MAP3K13: variants seen among roughly 807,000 people sequenced by gnomAD.
MAP3K13 encodes the protein mitogen-activated protein kinase kinase kinase 13.
Under a neutral mutation model 104.0 loss-of-function variants are expected in MAP3K13, and 52 were observed. The observed-to-expected ratio is 0.50, with a 90% CI of 0.40 to 0.63. The LOEUF (loss-of-function observed/expected upper bound fraction) is 0.63, where lower values mean the gene tolerates loss of function less well. Ranked by LOEUF, MAP3K13 falls within the 20% of genes least tolerant of loss-of-function variation. MAP3K13 has a pLI of 0.00. For missense variants in MAP3K13, 914 were observed against 1,218.5 expected, an observed-to-expected ratio of 0.75 and a Z score of 3.72; for synonymous variants, 394 against 442.2, an observed-to-expected ratio of 0.89 and a Z score of 1.37.
At chr3:185,318,361 A>G (rs988666683) in intron 2 of MAP3K13, among the ~76,000 whole-genome samples, 36 of 152,262 alleles carry the variant, frequency 2.4e-4, no homozygotes, top group Admixed American at 5.2e-4. Context: ...CAGTCATTTG[A>G]CTAAGCAAAC....
chr3:185,283,640 T>C (rs565196426), intron 1 of MAP3K13, among the ~76,000 whole-genome samples: 59 of 152,206 alleles, frequency 3.9e-4, no homozygotes, highest in African/African-American at 1.4e-3. Flanking sequence ...ACCCAGTACA[T>C]TGTTGGTTTT....
At chr3:185,382,414 G>A (rs1021360127) in intron 1 of MAP3K13, among the ~76,000 whole-genome samples, 1 of 152,108 alleles carries the variant, frequency 6.6e-6, no homozygotes, top group Non-Finnish European at 1.5e-5. Context: ...TAAGACTACT[G>A]TATATGATGT....
chr3:185,321,176 C>T (rs58973771), intron 2 of MAP3K13, among the ~76,000 whole-genome samples: 12,607 of 149,864 alleles, frequency 0.084, 689 homozygotes, highest in East Asian at 0.2. Context: ...TGCGTGCACA[C>T]ACATATACAC....
chr3:185,356,876 A>G (rs1230566585), intron 2 of MAP3K13, among the ~76,000 whole-genome samples: 1 of 148,724 alleles, frequency 6.7e-6, no homozygotes, highest in Non-Finnish European at 1.5e-5. Flanking sequence ...GTATGTATGT[A>G]TGTATGTATG....
At chr3:185,395,053 G>A (rs1245522310) in intron 1 of MAP3K13, among the ~76,000 whole-genome samples, 1 of 151,946 alleles carries the variant, frequency 6.6e-6, no homozygotes, top group African/African-American at 2.4e-5. Flanking sequence ...TTTTTTGAAC[G>A]TGGGATATAT....
chr3:185,323,465 C>G (rs750387929), intron 2 of MAP3K13, among the ~76,000 whole-genome samples: 42 of 151,660 alleles, frequency 2.8e-4, no homozygotes, highest in Admixed American at 6.6e-5. Context: ...TCCCGAGTAG[C>G]TGGGATTACA....
At chr3:185,298,059 G>A (rs1360891465) in intron 2 of MAP3K13, among the ~76,000 whole-genome samples, 1 of 151,870 alleles carries the variant, frequency 6.6e-6, no homozygotes, top group African/African-American at 2.4e-5. Context: ...ACGGACTACA[G>A]GCCTTTCAGT....
intron 1 of MAP3K13, among the ~76,000 whole-genome samples, chr3:185,409,572 T>C (rs889849716): frequency 6.6e-6 from 1 of 152,158 alleles, no homozygotes; most frequent in Non-Finnish European, 1.5e-5. Flanking sequence ...GAGAACAGTA[T>C]GAGCGTTCCT....
rs763887056 is a variant in MAP3K13 at position 185,455,694 on chromosome 3, T to G, written c.1278+4299T>G. 2.5e-4 allele frequency among the ~76,000 whole-genome samples: 5 copies of G among 19,726 alleles called. 1 individual carries two copies. Among genetic ancestry groups the G allele is most frequent in the African/African-American group, 5.7e-4 (5 of 8,794 alleles). 12.9% of individuals were successfully genotyped at this position (19,726 alleles called of 152,430 possible). ...ATATATATATGAGATATATATATGA[T>G]ATATATATGAGATATATATGAGATA... On this transcript the variant is annotated intron_variant, in intron 7 of 13. Coordinates refer to ENST00000265026, the MANE Select transcript of MAP3K13 (RefSeq NM_004721.5).
At chr3:185,347,150 C>A (rs937286026) in intron 2 of MAP3K13, among the ~76,000 whole-genome samples, 1 of 151,982 alleles carries the variant, frequency 6.6e-6, no homozygotes, top group Non-Finnish European at 1.5e-5. Context: ...CCACACCCAG[C>A]TAATTTTTGT....
chr3:185,330,084 G>A lies in MAP3K13; in HGVS notation c.-86+44441G>A, dbSNP rs1372086013. Among the ~76,000 whole-genome samples the A allele has an allele frequency of 3.7e-5, 3 of 80,810 alleles. No individual in the cohort carries two copies. In the Admixed American group the frequency reaches 5.3e-4, roughly 14 times the overall value. The allele number at this position is 80,810 out of a possible 152,430, so 53.0% of individuals were successfully genotyped here. ...TTTTTTTTTTTTTTTTTTTTTTTTA[G>A]TAGAGATGGGGTTTCACCATGTTAG... On this transcript the variant is annotated intron_variant, in intron 2 of 14. Coordinates refer to the MAP3K13 transcript ENST00000424227.
At chr3:185,440,297 G>A (rs767797566) in intron 3 of MAP3K13, among the ~76,000 whole-genome samples, 17 of 152,200 alleles carry the variant, frequency 1.1e-4, no homozygotes, top group Admixed American at 5.9e-4. Context: ...ATTGCTCCTC[G>A]TTCGTCAGTC....
At position 185,455,773 on chromosome 3, in the gene MAP3K13, GAT is replaced by G. The variant is rs1190701512; in HGVS notation, c.1278+4387_1278+4388del. On this transcript the variant is annotated intron_variant, in intron 7 of 13. Transcript: ENST00000265026. ...TGATATATATATGAGATATATATAT[GAT>G]ATATATATGAGATATATATATGAGA... Among the ~76,000 whole-genome samples the G allele has an allele frequency of 2.7e-3, 233 of 86,764 alleles. 17 individuals are homozygous for G. The highest frequency in any genetic ancestry group is 9.8e-3 in the African/African-American group (217 of 22,128). 56.9% of individuals were successfully genotyped at this position (86,764 alleles called of 152,430 possible).
rs891352886 is a variant in MAP3K13 at position 185,488,294 on chromosome 3, T to C, written c.*5838T>C. 7.9e-5 allele frequency: 12 copies of C among 152,202 alleles called. No homozygotes were observed. Among genetic ancestry groups the C allele is most frequent in the African/African-American group, 2.7e-4 (11 of 41,442 alleles). 9.4% of individuals were successfully genotyped at this position (152,202 alleles called of 1,614,324 possible). ...TGCTGATTTCATAGGACAAATATCCTAGCATACTCACACCACCAGTGTCCC... is the reference window on the plus strand; with the variant it reads ...TGCTGATTTCATAGGACAAATATCCCAGCATACTCACACCACCAGTGTCCC... On this transcript the variant is annotated 3_prime_UTR_variant, in exon 14 of 14. Coordinates refer to ENST00000265026, the MANE Select transcript of MAP3K13 (RefSeq NM_004721.5).
intron 4 of MAP3K13, 125 bp from the exon 5 acceptor site, chr3:185,447,664 G>A: frequency 1.4e-6 from 1 of 699,574 alleles, no homozygotes; most frequent in Non-Finnish European, 2.4e-6. Flanking sequence ...AGTGACATTG[G>A]AAACTGCAAG....
Position 185,466,862 on chromosome 3 carries a change from C to T in MAP3K13, c.1542C>T (p.Thr514=), listed in dbSNP as rs1441101843. The stretch of plus-strand genomic sequence containing the variant: ...CAGTGGAAAAGAAGTATCCTGGGAC[C>T]TACAAACGACACCCTGTTCGTCCTA... ...EQAVEKKYPG[T]YKRHPVRPII... The change falls in exon 10 of 14, where the codon ACC becomes ACT. Residue 514 remains threonine (T), a synonymous_variant. Transcript: ENST00000265026. 4 of 1,613,974 alleles carry T rather than the reference C, an allele frequency of 2.5e-6. No individual in the cohort carries two copies. The highest frequency in any genetic ancestry group is 3.4e-6 in the Non-Finnish European group (4 of 1,179,866).
intron 2 of MAP3K13, chr3:185,329,140 G>T: frequency 1.5e-6 from 1 of 676,772 alleles, no homozygotes; most frequent in Non-Finnish European, 2.7e-6. Context: ...TAATGGAAAA[G>T]AAAGCCGTGA....
intron 2 of MAP3K13, among the ~76,000 whole-genome samples, chr3:185,436,376 G>A (rs940769054): frequency 6.6e-6 from 1 of 152,126 alleles, no homozygotes; most frequent in African/African-American, 2.4e-5. Context: ...CATGACTAAT[G>A]ACTAATGGCT....
intron 1 of MAP3K13, among the ~76,000 whole-genome samples, chr3:185,383,860 A>G (rs12163636): frequency 0.27 from 40,608 of 152,060 alleles, 5,508 homozygotes; most frequent in Admixed American, 0.31. Context: ...TGGGATACAT[A>G]TGATATTTTA....
Sources: gnomAD v4.1 joint callset for allele counts (sites outside exome capture counted in the v4.1 genomes callset) on GRCh38, gnomAD v4.1.1 for gene constraint, MANE v1.5 for transcripts, NCBI Gene and HGNC (gene_info 2026-07-23, HGNC 2026-07-21) for gene names.